HERC1: variants seen among roughly 807,000 people sequenced by gnomAD.
HERC1 encodes the protein HECT and RLD domain containing E3 ubiquitin protein ligase family member 1.
Under a neutral mutation model 554.3 loss-of-function variants are expected in HERC1, and 160 were observed. The observed-to-expected ratio is 0.29, with a 90% confidence interval of 0.25 to 0.33. HERC1 has a LOEUF of 0.33. HERC1 is among the 10% of genes least tolerant of loss of function. HERC1 has a pLI of 1.00. For missense variants in HERC1, 4,919 were observed against 5,918.5 expected (o/e 0.83, Z 5.54); for synonymous variants, 2,175 against 2,131.7 (o/e 1.02, Z -0.56).
chr15:63,778,914 T>G (rs1266588021), intron 1 of HERC1, among the ~76,000 whole-genome samples: 1 of 145,274 alleles, frequency 6.9e-6, no homozygotes, highest in Non-Finnish European at 1.5e-5. Flanking sequence ...ATTCAAAAAC[T>G]GAAAGCAGAA....
At chr15:63,665,554 C>A (rs970643763) in intron 42 of HERC1, among the ~76,000 whole-genome samples, 2 of 152,122 alleles carry the variant, frequency 1.3e-5, no homozygotes, top group Non-Finnish European at 2.9e-5. Context: ...AAGTTCAATT[C>A]TATCAAATAC....
At position 63,672,490 on chromosome 15, in the gene HERC1, C is replaced by T. The variant is rs1424761042; in HGVS notation, c.8045+6G>A. ...TATGGCAGACATTAAAGGTCAACTTCTCTACCTGAGAAGACTAAGAGGCAT... is the reference window on the plus strand; with the variant it reads ...TATGGCAGACATTAAAGGTCAACTTTTCTACCTGAGAAGACTAAGAGGCAT... On this transcript the variant is annotated splice_donor_region_variant and intron_variant, in intron 39 of 77. Coordinates refer to ENST00000443617, the MANE Select transcript of HERC1 (RefSeq NM_003922.4). 1.2e-5 allele frequency: 19 copies of T among 1,578,110 alleles called. No homozygotes were observed. The Admixed American group carries it at 3.5e-4, about 29-fold the overall frequency.
rs758082345 is a variant in HERC1 at position 63,694,394 on chromosome 15, G to T, written c.5398C>A (p.Pro1800Thr). 6.2e-7 allele frequency: 1 copy of T among 1,613,942 alleles called. No individual in the cohort carries two copies. Among genetic ancestry groups the T allele is most frequent in the South Asian group, 1.1e-5 (1 of 91,082 alleles). ...TMLGQPLQLLPKTGVSQLSTA... is the reference protein window; with the variant it reads ...TMLGQPLQLLTKTGVSQLSTA... ...CTAAGCTGGGAAACACCCGTCTTTG[G>T]CAACAACTGCAGGGGCTGTCCTAGC... Residue 1800 changes from proline to threonine, a missense_variant, in exon 29 of 78, where the codon CCA becomes ACA. This residue lies in a region of HERC1 where 1,121 missense variants were observed against 1,244.0 expected (regional missense o/e 0.90). Transcript: ENST00000443617. The surrounding 1 kb of genome is among the most constrained non-coding windows in gnomAD (Gnocchi z 4.3).
chr15:63,829,572 T>G (rs1215280319), intron 1 of HERC1, among the ~76,000 whole-genome samples: 1 of 131,188 alleles, frequency 7.6e-6, no homozygotes, highest in Non-Finnish European at 1.6e-5. Context: ...TATATATATA[T>G]ATATATATAT....
intron 1 of HERC1, among the ~76,000 whole-genome samples, chr15:63,823,095 T>G (rs747155630): frequency 1.3e-5 from 2 of 152,228 alleles, no homozygotes; most frequent in African/African-American, 2.4e-5. Flanking sequence ...GATTATTTCA[T>G]CACCCAGGTA....
At chr15:63,744,010 T>G (rs528597434) in intron 12 of HERC1, among the ~76,000 whole-genome samples, 3 of 152,096 alleles carry the variant, frequency 2.0e-5, no homozygotes, top group Non-Finnish European at 4.4e-5. Context: ...TGCAGCCTCA[T>G]AGAGGTACCA....
At chr15:63,736,503 T>A (rs1567068329) in intron 12 of HERC1, among the ~76,000 whole-genome samples, 4 of 152,098 alleles carry the variant, frequency 2.6e-5, no homozygotes, top group African/African-American at 7.2e-5. Flanking sequence ...AATATTACCT[T>A]CCCCTAAAAT....
At chr15:63,678,999 T>A (rs1354343824) in intron 36 of HERC1, among the ~76,000 whole-genome samples, 1 of 152,238 alleles carries the variant, frequency 6.6e-6, no homozygotes, top group Non-Finnish European at 1.5e-5. Flanking sequence ...ACATTGCCAG[T>A]CACACTGTAA....
chr15:63,773,249 C>G (rs1216313299), intron 2 of HERC1, among the ~76,000 whole-genome samples: 1 of 151,960 alleles, frequency 6.6e-6, no homozygotes, highest in Non-Finnish European at 1.5e-5. Context: ...TCCAGACCAG[C>G]TATGGTCAAC....
intron 68 of HERC1, chr15:63,632,375 T>C: frequency 3.0e-6 from 1 of 338,790 alleles, no homozygotes; most frequent in Non-Finnish European, 5.6e-6. Context: ...GGATGAAGAA[T>C]GAGGCAGGAC....
At position 63,669,701 on chromosome 15, in the gene HERC1, T is replaced by C. The variant is rs1290232529; in HGVS notation, c.8046-3A>G. On this transcript the variant is annotated splice_polypyrimidine_tract_variant and splice_region_variant and intron_variant, in intron 39 of 77. Coordinates refer to ENST00000443617, the MANE Select transcript of HERC1 (RefSeq NM_003922.4). ...TTGGGTAACTAGAGAACATTTGCCT[T>C]TAAGAAAATAACAGTGGTTAGCATA... The C allele has an allele frequency of 6.2e-7, 1 of 1,612,248 alleles. No individual in the cohort carries two copies.
In HERC1 at chr15:63,638,446, G is replaced by A. The variant is rs1167091197; in HGVS notation, c.12058C>T (p.Pro4020Ser). 1 of 1,613,614 alleles carries A rather than the reference G, an allele frequency of 6.2e-7. No homozygotes were observed. The highest frequency in any genetic ancestry group is 1.7e-5 in the Admixed American group (1 of 59,968). ...TGTGAGAATGAGGGAGCTGCTGCAGGTACCATTACATTTCTTCCAGCTTCT... is the reference window on the plus strand; with the variant it reads ...TGTGAGAATGAGGGAGCTGCTGCAGATACCATTACATTTCTTCCAGCTTCT... The part of the protein sequence containing the change: ...LAEAGRNVMV[P>S]AAAPSFSQAQ... The change falls in exon 63 of 78, where the codon CCT becomes TCT. Residue 4020 changes from proline to serine, a missense_variant. Pro to Ser is a moderately conservative substitution (Grantham distance 74). Around this residue, in one of 11 missense-constraint regions of HERC1, gnomAD observed 122 missense variants for 195.2 expected, o/e 0.63. Coordinates refer to ENST00000443617, the MANE Select transcript of HERC1 (RefSeq NM_003922.4).
intron 12 of HERC1, among the ~76,000 whole-genome samples, chr15:63,745,016 T>C (rs1285788335): frequency 6.6e-6 from 1 of 152,180 alleles, no homozygotes; most frequent in East Asian, 1.9e-4. Flanking sequence ...GTGGGTTCCC[T>C]TCTGGCCTGG....
chr15:63,717,572 G>A (rs183600314), intron 21 of HERC1, among the ~76,000 whole-genome samples: 12 of 152,174 alleles, frequency 7.9e-5, no homozygotes, highest in Admixed American at 5.9e-4. Context: ...AAGTAGTTTC[G>A]GCCAGGTGAG....
At chr15:63,784,921 A>G (rs559024195) in intron 1 of HERC1, among the ~76,000 whole-genome samples, 1 of 152,284 alleles carries the variant, frequency 6.6e-6, no homozygotes, top group African/African-American at 2.4e-5. Context: ...TATCAGTGCA[A>G]ATTTTCAAAA....
At chr15:63,637,204 C>T (rs1047549280) in intron 64 of HERC1, 3 of 501,822 alleles carry the variant, frequency 6.0e-6, no homozygotes, top group African/African-American at 1.9e-5. Context: ...ATGATTGCTA[C>T]TGCTATTAAC....
In HERC1 at chr15:63,664,607, G is replaced by C; in HGVS notation, c.8556-13C>G. On this transcript the variant is annotated splice_polypyrimidine_tract_variant and intron_variant, in intron 42 of 77. Transcript: ENST00000443617. Reference sequence around the variant, plus strand: ...CAAATTATCAGGGCTACAAGTGCAAGTGAGAAAGCAACACAAAGTTTTTGA... The same window carrying C: ...CAAATTATCAGGGCTACAAGTGCAACTGAGAAAGCAACACAAAGTTTTTGA... 6.2e-7 allele frequency: 1 copy of C among 1,608,924 alleles called. No individual in the cohort carries two copies. Among genetic ancestry groups the C allele is most frequent in the South Asian group, 1.1e-5 (1 of 90,586 alleles).
intron 1 of HERC1, among the ~76,000 whole-genome samples, chr15:63,799,643 C>T (rs2076917307): frequency 6.6e-6 from 1 of 152,070 alleles, no homozygotes; most frequent in Non-Finnish European, 1.5e-5. Context: ...AGGGACTAGG[C>T]TTTGAAAGCA....
At chr15:63,708,088 A>G (rs2073111566) in intron 24 of HERC1, among the ~76,000 whole-genome samples, 1 of 152,156 alleles carries the variant, frequency 6.6e-6, no homozygotes, top group Non-Finnish European at 1.5e-5. Flanking sequence ...ATCAACAGAA[A>G]TAAGTATTAT....
Sources: gnomAD v4.1 joint callset for allele counts (sites outside exome capture counted in the v4.1 genomes callset) on GRCh38, gnomAD v4.1.1 for gene constraint, gnomAD v4.1.1 regional missense constraint, Gnocchi (gnomAD v3.1) non-coding constraint, MANE v1.5 for transcripts, NCBI Gene and HGNC (gene_info 2026-07-23, HGNC 2026-07-21) for gene names.